ACSS1: variants seen among roughly 807,000 people sequenced by gnomAD.
ACSS1 encodes the protein acetyl-coenzyme A synthetase 2-like, mitochondrial.
A neutral mutation model predicts 75.3 loss-of-function variants in ACSS1; 42 were observed. The observed-to-expected ratio is 0.56, with a 90% CI of 0.44 to 0.72. ACSS1 has a LOEUF of 0.72. Ranked by LOEUF, ACSS1 falls within the 30% of genes least tolerant of loss-of-function variation. The pLI, the probability that ACSS1 is intolerant of heterozygous loss-of-function variation, is 0.00. For synonymous variants in ACSS1, 380 were observed against 376.8 expected, an observed-to-expected ratio of 1.01 and a Z score of -0.10; for missense variants, 782 against 935.7, an observed-to-expected ratio of 0.84 and a Z score of 2.14.
At chr20:25,035,260 C>T (rs920374854) in intron 2 of ACSS1, among the ~76,000 whole-genome samples, 1 of 152,122 alleles carries the variant, frequency 6.6e-6, no homozygotes, top group African/African-American at 2.4e-5. Flanking sequence ...CTAACCTGCA[C>T]CCTCCCAACT....
At chr20:25,039,193 G>A (rs1216268960) in intron 2 of ACSS1, among the ~76,000 whole-genome samples, 1 of 152,158 alleles carries the variant, frequency 6.6e-6, no homozygotes, top group Non-Finnish European at 1.5e-5. Flanking sequence ...TTCCTGATGA[G>A]GAAATTGAGG....
intron 3 of ACSS1, among the ~76,000 whole-genome samples, chr20:25,024,792 C>A (rs1236513153): frequency 2.0e-5 from 3 of 152,204 alleles, no homozygotes; most frequent in African/African-American, 7.2e-5. Context: ...CTCCTAAGAG[C>A]CCTGGAGATG....
intron 7 of ACSS1, among the ~76,000 whole-genome samples, chr20:25,016,329 T>C (rs1490846271): frequency 1.3e-5 from 2 of 152,220 alleles, no homozygotes; most frequent in African/African-American, 4.8e-5. Flanking sequence ...GTAGCACTTA[T>C]ACACGTAAAC....
chr20:25,027,168 T>G (rs1224900280), intron 3 of ACSS1, among the ~76,000 whole-genome samples: 2 of 152,230 alleles, frequency 1.3e-5, no homozygotes, highest in African/African-American at 4.8e-5. Flanking sequence ...TCTTCTTCCC[T>G]TTCTAAAGAC....
intron 1 of ACSS1, among the ~76,000 whole-genome samples, chr20:25,054,381 C>T (rs1051603969): frequency 2.0e-5 from 3 of 152,234 alleles, no homozygotes; most frequent in Non-Finnish European, 4.4e-5. Flanking sequence ...TAGTCAGTGA[C>T]TGGGGATGTA....
intron 6 of ACSS1, among the ~76,000 whole-genome samples, chr20:25,020,419 A>C (rs1288167374): frequency 6.6e-6 from 1 of 152,216 alleles, no homozygotes; most frequent in Non-Finnish European, 1.5e-5. Flanking sequence ...GTGATGGCCT[A>C]GTTCAAGGTG....
At chr20:25,018,911 T>A (rs1163312893) in intron 7 of ACSS1, among the ~76,000 whole-genome samples, 2 of 152,236 alleles carry the variant, frequency 1.3e-5, no homozygotes, top group Non-Finnish European at 2.9e-5. Context: ...TCTGACCCTC[T>A]GTGGCATCCT....
intron 1 of ACSS1, among the ~76,000 whole-genome samples, chr20:25,050,469 C>A (rs1387993793): frequency 1.3e-5 from 2 of 152,052 alleles, no homozygotes; most frequent in South Asian, 4.1e-4. Context: ...TCATAAGAAG[C>A]CCCAGGAGAT....
chr20:25,027,001 T>C (rs967610367), intron 3 of ACSS1, among the ~76,000 whole-genome samples: 14 of 152,250 alleles, frequency 9.2e-5, no homozygotes, highest in Admixed American at 9.2e-4. Context: ...TGGGTGACCA[T>C]GGCCACACCA....
chr20:25,007,670 G>A lies in ACSS1; in HGVS notation c.*92C>T, dbSNP rs1015377452. ...GTGGGGTGGGGGCTGCTTCTGGGAC[G>A]TAGGAAGACGCCAACCTCAGGGGTA... On this transcript the variant is annotated 3_prime_UTR_variant, in exon 14 of 14. Transcript: ENST00000323482. 6.7e-5 allele frequency: 104 copies of A among 1,544,592 alleles called. No individual in the cohort carries two copies. Among genetic ancestry groups the A allele is most frequent in the Admixed American group, 1.9e-4 (10 of 53,526 alleles).
Position 25,021,432 on chromosome 20 carries a change from G to T in ACSS1, c.1065C>A (p.Ala355=). 1 of 1,614,234 alleles carries T rather than the reference G, an allele frequency of 6.2e-7. No homozygotes were observed. The highest frequency in any genetic ancestry group is 8.5e-7 in the Non-Finnish European group (1 of 1,180,036). Residue 355 remains alanine (A), a synonymous_variant, in exon 6 of 14, where the codon GCC becomes GCA. Transcript: ENST00000323482. ...YVVYGPLCNG[A]TSVLFESTPV... The stretch of plus-strand genomic sequence containing the variant: ...GGGTGCTCTCAAAAAGGACGCTGGT[G>T]GCACCATTGCAGAGAGGCCCATACA...
intron 2 of ACSS1, among the ~76,000 whole-genome samples, chr20:25,031,512 G>A (rs1028164298): frequency 2.0e-5 from 3 of 152,160 alleles, no homozygotes; most frequent in African/African-American, 7.2e-5. Flanking sequence ...AGTAATAAAT[G>A]TCACTTCGTC....
In ACSS1 at chr20:25,021,407, G is replaced by A; in HGVS notation, c.1090C>T (p.Pro364Ser). The part of the protein sequence containing the change: ...GATSVLFEST[P>S]VYPNAGRYWE... ...TCCTTACCAGCATTGGGATAAACTGGGGTGCTCTCAAAAAGGACGCTGGTG... is the reference window on the plus strand; with the variant it reads ...TCCTTACCAGCATTGGGATAAACTGAGGTGCTCTCAAAAAGGACGCTGGTG... Residue 364 changes from proline to serine, a missense_variant, in exon 6 of 14, where the codon CCA (proline) becomes TCA (serine). By Grantham distance (74) the Pro-to-Ser change is moderately conservative. Around this residue, in one of 2 missense-constraint regions of ACSS1, gnomAD observed 405 missense variants for 552.6 expected, o/e 0.73. Coordinates refer to ENST00000323482, the MANE Select transcript of ACSS1 (RefSeq NM_032501.4). 6.2e-7 allele frequency: 1 copy of A among 1,614,142 alleles called. No homozygotes were observed. Among genetic ancestry groups the A allele is most frequent in the South Asian group, 1.1e-5 (1 of 91,074 alleles).
chr20:25,026,259 C>G (rs2088715461), intron 3 of ACSS1, among the ~76,000 whole-genome samples: 1 of 152,204 alleles, frequency 6.6e-6, no homozygotes, highest in South Asian at 2.1e-4. Context: ...GCTGCACATT[C>G]TTTCACCTGC....
intron 1 of ACSS1, among the ~76,000 whole-genome samples, chr20:25,053,905 T>C (rs1477021417): frequency 1.3e-5 from 2 of 152,244 alleles, no homozygotes; most frequent in African/African-American, 2.4e-5. Context: ...GCAACACATG[T>C]CATTACCCTC....
intron 2 of ACSS1, among the ~76,000 whole-genome samples, chr20:25,035,827 T>C (rs556959746): frequency 3.9e-5 from 6 of 152,356 alleles, no homozygotes; most frequent in African/African-American, 1.4e-4. Context: ...AAAATAAATG[T>C]TGTTCAAGTA....
At chr20:25,048,296 A>T (rs529871036) in intron 1 of ACSS1, 115 bp from the exon 2 acceptor site, 364 of 781,872 alleles carry the variant, frequency 4.7e-4, no homozygotes, top group Non-Finnish European at 6.9e-4. Context: ...TCTTCCACTG[A>T]CAGAGACCCT....
In ACSS1 at chr20:25,057,839, G is replaced by T; in HGVS notation, c.264C>A (p.His88Gln). ...TGCTGAAGTCGCAGTCCCAGACGGT[G>T]TGGTAGGGGGTGTCCCACACGAGAG... ...RDTLVWDTPY[H>Q]TVWDCDFSTG... Residue 88 changes from histidine to glutamine, a missense_variant, in exon 1 of 14, where the codon CAC (histidine) becomes CAA (glutamine). By Grantham distance (24) the His-to-Gln change is conservative. Around this residue, in one of 2 missense-constraint regions of ACSS1, gnomAD observed 377 missense variants for 383.1 expected, o/e 0.98. Coordinates refer to ENST00000323482, the MANE Select transcript of ACSS1 (RefSeq NM_032501.4). 6.2e-7 allele frequency: 1 copy of T among 1,611,442 alleles called. No individual in the cohort carries two copies. The highest frequency in any genetic ancestry group is 8.5e-7 in the Non-Finnish European group (1 of 1,178,778).
intron 10 of ACSS1, among the ~76,000 whole-genome samples, chr20:25,013,325 C>T (rs899496785): frequency 4.6e-5 from 7 of 152,174 alleles, no homozygotes; most frequent in East Asian, 1.9e-4. Flanking sequence ...AGAAAGTCCC[C>T]GAGTGGGGAA....
Sources: gnomAD v4.1 joint callset for allele counts (sites outside exome capture counted in the v4.1 genomes callset) on GRCh38, gnomAD v4.1.1 for gene constraint, gnomAD v4.1.1 regional missense constraint, MANE v1.5 for transcripts, NCBI Gene and HGNC (gene_info 2026-07-23, HGNC 2026-07-21) for gene names.